Variants in MEI1 observed in about 807,000 individuals in gnomAD.
MEI1 encodes meiotic double-stranded break formation protein 1, also known as meiosis inhibitor protein 1.
Under a neutral mutation model 146.2 loss-of-function variants are expected in MEI1, and 103 were observed. The ratio of observed to expected loss-of-function variants is 0.70; its 90% confidence interval spans 0.60 to 0.83. MEI1 has a LOEUF of 0.83. MEI1 is among the 40% of genes least tolerant of loss of function. The pLI, the probability that MEI1 is intolerant of heterozygous loss-of-function variation, is 0.00. For synonymous variants in MEI1, 652 were observed against 628.2 expected, an observed-to-expected ratio of 1.04 and a Z score of -0.57; for missense variants, 1,529 against 1,533.0, an observed-to-expected ratio of 1.00 and a Z score of 0.04.
intron 10 of MEI1, 37 bp downstream of exon 10, chr22:41,732,381 C>T: frequency 6.2e-7 from 1 of 1,613,224 alleles, no homozygotes; most frequent in Middle Eastern, 1.6e-4. Flanking sequence ...TTGTAGGGGC[C>T]AGACTGCAGA....
intron 2 of MEI1, among the ~76,000 whole-genome samples, chr22:41,703,800 A>G (rs577697769): frequency 1.3e-5 from 2 of 152,242 alleles, no homozygotes; most frequent in Admixed American, 6.5e-5. Context: ...CCTGGTCAAC[A>G]TGGTAAAACC....
chr22:41,723,269 G>GT (rs1301871734), intron 6 of MEI1, among the ~76,000 whole-genome samples: 1 of 151,706 alleles, frequency 6.6e-6, no homozygotes, highest in East Asian at 1.9e-4. Context: ...GTGGAGTACA[G>GT]TGACGCCATC....
chr22:41,782,901 G>C (rs1442111787), intron 24 of MEI1, among the ~76,000 whole-genome samples: 2 of 151,916 alleles, frequency 1.3e-5, no homozygotes, highest in African/African-American at 4.8e-5. Flanking sequence ...CTGATCATTC[G>C]TCCTCCCCAC....
At chr22:41,780,078 G>A (rs1008697011) in intron 22 of MEI1, among the ~76,000 whole-genome samples, 2 of 152,156 alleles carry the variant, frequency 1.3e-5, no homozygotes, top group African/African-American at 4.8e-5. Context: ...CCTCAGCCTG[G>A]TGCCAGTCAT....
intron 20 of MEI1, among the ~76,000 whole-genome samples, chr22:41,772,154 T>C (rs1279354410): frequency 6.6e-6 from 1 of 152,208 alleles, no homozygotes; most frequent in African/African-American, 2.4e-5. Flanking sequence ...GTACTGAATA[T>C]TGTAGACAAA....
At chr22:41,730,983 A>G (rs1263740559) in intron 9 of MEI1, among the ~76,000 whole-genome samples, 1 of 151,714 alleles carries the variant, frequency 6.6e-6, no homozygotes, top group Non-Finnish European at 1.5e-5. Flanking sequence ...CTAACCATCC[A>G]GGTAGTCTCT....
chr22:41,704,886 T>C (rs1200334168), intron 2 of MEI1, among the ~76,000 whole-genome samples: 1 of 151,916 alleles, frequency 6.6e-6, no homozygotes. Flanking sequence ...GGCTAATTTT[T>C]TGAATTTTTA....
intron 26 of MEI1, among the ~76,000 whole-genome samples, chr22:41,786,420 A>T (rs889874323): frequency 2.0e-5 from 3 of 152,230 alleles, no homozygotes; most frequent in African/African-American, 7.2e-5. Context: ...CCTGGGGTCA[A>T]TACTGGCTTC....
chr22:41,770,833 T>A lies in MEI1; in HGVS notation c.2416T>A (p.Phe806Ile), dbSNP rs1282370507. 1 of 1,614,002 alleles carries A rather than the reference T, an allele frequency of 6.2e-7. No individual in the cohort carries two copies. ...GCACCGTGTCCTGGAACTTTGGTTC[T>A]TCTGGGAAGAGAGCAGCTATGAGGA... ...YGHRVLELWF[F>I]WEESSYEELD... The change falls in exon 20 of 31, where the codon TTC becomes ATC. Residue 806 changes from phenylalanine (F) to isoleucine (I), a missense_variant. Coordinates refer to ENST00000401548, the MANE Select transcript of MEI1 (RefSeq NM_152513.4).
At chr22:41,793,378 C>T (rs939816808) in intron 26 of MEI1, among the ~76,000 whole-genome samples, 7 of 151,590 alleles carry the variant, frequency 4.6e-5, no homozygotes, top group South Asian at 2.1e-4. Context: ...CTCAGCTCAC[C>T]GCAACCTCCG....
intron 24 of MEI1, among the ~76,000 whole-genome samples, chr22:41,783,774 A>G (rs554908999): frequency 6.6e-6 from 1 of 152,154 alleles, no homozygotes; most frequent in Admixed American, 6.5e-5. Context: ...TTGGCCTCCC[A>G]GCTCAAGTGA....
At chr22:41,735,415 G>A (rs992901185) in intron 11 of MEI1, among the ~76,000 whole-genome samples, 3 of 151,978 alleles carry the variant, frequency 2.0e-5, no homozygotes, top group African/African-American at 7.3e-5. Flanking sequence ...TGTATTTTTA[G>A]TAGAGACGGG....
chr22:41,799,256 G>T lies in MEI1; in HGVS notation c.3782G>T (p.Cys1261Phe), dbSNP rs368812787. The T allele has an allele frequency of 1.0e-4, 167 of 1,613,256 alleles. No homozygotes were observed. In the African/African-American group the frequency reaches 1.9e-3, roughly 19 times the overall value. ...SGQPPLQDML[C>F]LGGVAVSLSH... is the part of the protein sequence containing the mutation. The stretch of plus-strand genomic sequence containing the variant: ...TTCCTCTCATGTTTTGCTGCCAGCT[G>T]CCTGGGAGGGGTGGCTGTATCCCTG... Residue 1261 changes from cysteine (C) to phenylalanine (F), a missense_variant and splice_region_variant, in exon 31 of 31, where the codon TGC becomes TTC. This residue lies in a region of MEI1 where 313 missense variants were observed against 337.3 expected (regional missense o/e 0.93). Coordinates refer to ENST00000401548, the MANE Select transcript of MEI1 (RefSeq NM_152513.4).
chr22:41,794,121 C>T (rs1307948477), intron 27 of MEI1, among the ~76,000 whole-genome samples: 1 of 152,234 alleles, frequency 6.6e-6, no homozygotes, highest in Non-Finnish European at 1.5e-5. Context: ...CAACCAAGGT[C>T]ACAATGCTCT....
intron 15 of MEI1, among the ~76,000 whole-genome samples, chr22:41,749,110 C>G (rs1360392513): frequency 3.9e-5 from 6 of 151,978 alleles, no homozygotes; most frequent in African/African-American, 7.2e-5. Context: ...AACATGCTTT[C>G]TTAATCTCTG....
intron 26 of MEI1, among the ~76,000 whole-genome samples, chr22:41,791,731 A>G (rs891072393): frequency 1.3e-5 from 2 of 152,258 alleles, no homozygotes; most frequent in Non-Finnish European, 2.9e-5. Flanking sequence ...TAATGATGAA[A>G]AAGTGGAAAC....
chr22:41,744,314 G>C (rs1022857755), intron 12 of MEI1, among the ~76,000 whole-genome samples: 3 of 151,984 alleles, frequency 2.0e-5, no homozygotes, highest in Admixed American at 2.0e-4. Context: ...GGGACTACAG[G>C]TGCCCGCCAC....
rs6002446 is a variant in MEI1, at chr22:41,706,804, G to A, written c.349+1250G>A. 1.4e-3 allele frequency among the ~76,000 whole-genome samples: 208 copies of A among 152,174 alleles called. 3 individuals carry two copies. The highest frequency in any genetic ancestry group is 4.8e-3 in the African/African-American group (199 of 41,512). On this transcript the variant is annotated intron_variant, in intron 3 of 30. Coordinates refer to ENST00000401548, the MANE Select transcript of MEI1 (RefSeq NM_152513.4). The stretch of plus-strand genomic sequence containing the variant: ...GAAGGTAAGAGCCCTGGTATGTGAC[G>A]ATTCTTGCAGAGAGAGTGAGAATTG...
intron 3 of MEI1, 62 bp from the exon 4 acceptor site, chr22:41,713,940 A>T (rs2069852247): frequency 7.2e-7 from 1 of 1,379,872 alleles, no homozygotes; most frequent in African/African-American, 1.4e-5. Flanking sequence ...TAGAAGGGCC[A>T]TGGAAGGTGG....
Sources: allele counts gnomAD v4.1 joint callset (sites outside exome capture counted in the v4.1 genomes callset), GRCh38; gene constraint gnomAD v4.1.1; regional missense constraint gnomAD v4.1.1; transcripts MANE v1.5; gene names NCBI Gene and HGNC (gene_info 2026-07-23, HGNC 2026-07-21).